RELN: variants seen among roughly 807,000 people sequenced by gnomAD.
RELN encodes reelin.
In RELN, 108 loss-of-function variants were observed where a neutral mutation model predicts 427.6. That is an observed-to-expected ratio of 0.25 (90% CI 0.22 to 0.30). RELN has a LOEUF of 0.30. Among genes scored for constraint, RELN ranks in the 10% least tolerant of loss-of-function variants. The pLI, the probability that RELN is intolerant of heterozygous loss-of-function variation, is 1.00. For synonymous variants in RELN, 1,524 were observed against 1,513.4 expected (o/e 1.01, Z -0.16); for missense variants, 3,715 against 4,302.8 (o/e 0.86, Z 3.82).
At chr7:103,797,217 C>T (rs993658714) in intron 3 of RELN, among the ~76,000 whole-genome samples, 1 of 152,174 alleles carries the variant, frequency 6.6e-6, no homozygotes, top group Non-Finnish European at 1.5e-5. Flanking sequence ...ATTCTCCTGC[C>T]TCAGCCTCCC....
At position 103,515,401 on chromosome 7, in the gene RELN, C is replaced by A. The variant is rs143751470; in HGVS notation, c.7903G>T (p.Ala2635Ser). The stretch of plus-strand genomic sequence containing the variant: ...GGCTGCCACCAGCGGAAGCGAGTGG[C>A]AATCTCTTTAGCATCAGGAGGGAGA... ...ILLPPDAKEI[A>S]TRFRWWQPRH... The change falls in exon 50 of 65, where the codon GCC becomes TCC. Residue 2635 changes from alanine (A) to serine (S), a missense_variant. Physicochemically the swap from Ala to Ser is moderately conservative, Grantham distance 99. This residue lies in a region of RELN where 1,310 missense variants were observed against 1,643.0 expected (regional missense o/e 0.80). Transcript: ENST00000428762. The A allele has an allele frequency of 1.9e-6, 3 of 1,614,000 alleles. No individual in the cohort carries two copies. In the African/African-American group the frequency reaches 4.0e-5, roughly 22 times the overall value.
At chr7:103,537,481 A>G (rs1830079531) in intron 45 of RELN, among the ~76,000 whole-genome samples, 2 of 152,068 alleles carry the variant, frequency 1.3e-5, no homozygotes, top group Admixed American at 1.3e-4. Context: ...TTTGTTGCCA[A>G]CTCCACTCAG....
intron 60 of RELN, 98 bp downstream of exon 60, chr7:103,489,644 G>A (rs1256737155): frequency 1.5e-6 from 2 of 1,376,688 alleles, no homozygotes; most frequent in Non-Finnish European, 2.0e-6. Context: ...CCTCAGGCTG[G>A]AGTTTCTATC....
Position 103,566,334 on chromosome 7 carries a change from T to C in RELN, c.4826A>G (p.Lys1609Arg). Residue 1609 changes from lysine (K) to arginine (R), a missense_variant, in exon 33 of 65, where the codon AAA becomes AGA. By Grantham distance (26) the Lys-to-Arg change is conservative. Coordinates refer to ENST00000428762, the MANE Select transcript of RELN (RefSeq NM_005045.4). ...TTGCAAATCTATAGAGCCATCAAAT[T>C]TGTCTTGAAATCCAGTTTGAGAGCT... is the stretch of plus-strand genomic sequence containing the variant. Reference protein sequence around the residue: ...NDSSQTGFQDKFDGSIDLQAN... With the variant: ...NDSSQTGFQDRFDGSIDLQAN... 1 of 1,614,130 alleles carries C rather than the reference T, an allele frequency of 6.2e-7. No individual in the cohort carries two copies. Among genetic ancestry groups the C allele is most frequent in the Non-Finnish European group, 8.5e-7 (1 of 1,179,992 alleles).
intron 51 of RELN, among the ~76,000 whole-genome samples, chr7:103,507,145 A>G (rs866984482): frequency 6.6e-6 from 1 of 151,694 alleles, no homozygotes; most frequent in South Asian, 2.1e-4. Context: ...TAACAAGGAT[A>G]TCTAGGACTT....
intron 2 of RELN, among the ~76,000 whole-genome samples, chr7:103,844,759 T>C (rs1464493322): frequency 6.6e-6 from 1 of 152,226 alleles, no homozygotes; most frequent in African/African-American, 2.4e-5. Flanking sequence ...ACAATTCATA[T>C]TGTGAGGATT....
intron 20 of RELN, among the ~76,000 whole-genome samples, chr7:103,618,792 G>A (rs762511661): frequency 6.6e-6 from 1 of 152,132 alleles, no homozygotes; most frequent in African/African-American, 2.4e-5. Flanking sequence ...AAAAGCATAA[G>A]TTGAGTTTCT....
At chr7:103,654,311 T>C in intron 12 of RELN, 106 bp from the exon 13 acceptor site, 2 of 715,310 alleles carry the variant, frequency 2.8e-6, no homozygotes, top group Non-Finnish European at 5.1e-6. Context: ...TACCCAGATG[T>C]CACTTAAGAA....
At chr7:103,556,947 C>T (rs2117167578) in intron 38 of RELN, 30 bp downstream of exon 38, 1 of 1,561,266 alleles carries the variant, frequency 6.4e-7, no homozygotes, top group Non-Finnish European at 8.8e-7. Flanking sequence ...ACTATCAGTT[C>T]TGATCACAGG....
intron 4 of RELN, among the ~76,000 whole-genome samples, chr7:103,765,274 A>C (rs542312672): frequency 1.6e-4 from 24 of 152,304 alleles, no homozygotes; most frequent in Middle Eastern, 3.4e-3. Context: ...AGATGAGAGG[A>C]ACACCATTCC....
At chr7:103,521,516 A>C (rs1829708932) in intron 48 of RELN, among the ~76,000 whole-genome samples, 1 of 152,218 alleles carries the variant, frequency 6.6e-6, no homozygotes. Flanking sequence ...TTCTTAATAA[A>C]TTCAGGAACC....
At chr7:103,583,942 C>T (rs1441494401) in intron 28 of RELN, among the ~76,000 whole-genome samples, 2 of 152,208 alleles carry the variant, frequency 1.3e-5, no homozygotes. Flanking sequence ...GTCACTCATG[C>T]CCCACTCCTG....
chr7:103,941,247 G>C (rs1796108239), intron 1 of RELN, among the ~76,000 whole-genome samples: 1 of 152,154 alleles, frequency 6.6e-6, no homozygotes, highest in Non-Finnish European at 1.5e-5. Context: ...GTTTCTACTA[G>C]ACTTACTCTG....
chr7:103,852,474 G>C (rs1012546835), intron 2 of RELN, among the ~76,000 whole-genome samples: 1 of 152,058 alleles, frequency 6.6e-6, no homozygotes, highest in African/African-American at 2.4e-5. Context: ...AAATATAGAA[G>C]ACAACACTTC....
Position 103,496,740 on chromosome 7 carries a change from C to T in RELN, c.8979G>A (p.Met2993Ile). The T allele has an allele frequency of 6.2e-7, 1 of 1,613,956 alleles. No homozygotes were observed. The highest frequency in any genetic ancestry group is 8.5e-7 in the Non-Finnish European group (1 of 1,179,906). The part of the protein sequence containing the change: ...GGITWTLLHE[M>I]DYQKYISVRH... ...TAACAGAAATGTATTTCTGGTAATC[C>T]ATCTCATGGAGCAAAGTCCAGGTAA... Residue 2993 changes from methionine (M) to isoleucine (I), a missense_variant, in exon 56 of 65, where the codon ATG becomes ATA. Around this residue, in one of 4 missense-constraint regions of RELN, gnomAD observed 1,310 missense variants for 1,643.0 expected, o/e 0.80. Transcript: ENST00000428762.
At chr7:103,604,280 C>T in intron 23 of RELN, 66 bp downstream of exon 23, 2 of 1,591,474 alleles carry the variant, frequency 1.3e-6, no homozygotes, top group Admixed American at 1.7e-5. Flanking sequence ...ATGACAACTG[C>T]TGTGGTATCC....
intron 10 of RELN, among the ~76,000 whole-genome samples, chr7:103,694,940 C>T (rs1180190404): frequency 6.6e-6 from 1 of 151,950 alleles, no homozygotes; most frequent in African/African-American, 2.4e-5. Flanking sequence ...GCTGGGATTA[C>T]AAGCATGATC....
chr7:103,680,053 T>C (rs1449663279), intron 11 of RELN, among the ~76,000 whole-genome samples: 2 of 152,150 alleles, frequency 1.3e-5, no homozygotes, highest in Non-Finnish European at 1.5e-5. Flanking sequence ...ATGGGGGGCA[T>C]TTTGGGAGAG....
At chr7:103,762,413 T>G (rs901893425) in intron 4 of RELN, among the ~76,000 whole-genome samples, 1 of 152,198 alleles carries the variant, frequency 6.6e-6, no homozygotes, top group Non-Finnish European at 1.5e-5. Flanking sequence ...TAATTGACAC[T>G]CTAACTACAA....
Sources: gnomAD v4.1 joint callset for allele counts (sites outside exome capture counted in the v4.1 genomes callset) on GRCh38, gnomAD v4.1.1 for gene constraint, gnomAD v4.1.1 regional missense constraint, MANE v1.5 for transcripts, NCBI Gene and HGNC (gene_info 2026-07-23, HGNC 2026-07-21) for gene names.